CSMD1: variants seen among roughly 807,000 people sequenced by gnomAD.
The protein encoded by CSMD1 is CUB and Sushi multiple domains 1.
CSMD1 carries 213 observed loss-of-function variants against 417.5 expected under a neutral mutation model. The ratio of observed to expected loss-of-function variants is 0.51; its 90% CI spans 0.46 to 0.57. CSMD1 has a LOEUF of 0.57. CSMD1 is among the 20% of genes least tolerant of loss of function. The pLI is 0.00. For synonymous variants in CSMD1, 2,862 were observed against 1,736.8 expected (o/e 1.65, Z -16.11); for missense variants, 6,923 against 4,529.7 (o/e 1.53, Z -15.17).
chr8:3,934,223 A>G (rs765831419), intron 5 of CSMD1, among the ~76,000 whole-genome samples: 4 of 152,216 alleles, frequency 2.6e-5, no homozygotes, highest in African/African-American at 4.8e-5. Flanking sequence ...TACCTAATCA[A>G]TGATGAAAAC....
At chr8:3,461,343 G>A (rs956908504) in intron 12 of CSMD1, among the ~76,000 whole-genome samples, 9 of 152,224 alleles carry the variant, frequency 5.9e-5, no homozygotes, top group Admixed American at 5.9e-4. Flanking sequence ...AGCCAGCTTG[G>A]AGAGTATGCT....
chr8:3,986,403 T>G (rs1814323377), intron 5 of CSMD1, among the ~76,000 whole-genome samples: 1 of 152,110 alleles, frequency 6.6e-6, no homozygotes, highest in South Asian at 2.1e-4. Flanking sequence ...CCTGGACATT[T>G]CACTGTTGAA....
At chr8:4,673,094 A>C (rs559671161) in intron 1 of CSMD1, among the ~76,000 whole-genome samples, 3 of 152,212 alleles carry the variant, frequency 2.0e-5, no homozygotes, top group Non-Finnish European at 4.4e-5. Flanking sequence ...AACAACACAC[A>C]AGCATGGTGA....
At chr8:4,010,334 C>A (rs1431817157) in intron 4 of CSMD1, among the ~76,000 whole-genome samples, 1 of 152,174 alleles carries the variant, frequency 6.6e-6, no homozygotes. Context: ...CTACAAACCC[C>A]TACTTGAAAT....
At chr8:3,694,137 G>C (rs1238864621) in intron 7 of CSMD1, among the ~76,000 whole-genome samples, 5 of 151,978 alleles carry the variant, frequency 3.3e-5, no homozygotes, top group Non-Finnish European at 5.9e-5. Flanking sequence ...GTGGCGTGGT[G>C]TGTGTGTACA....
intron 7 of CSMD1, among the ~76,000 whole-genome samples, chr8:3,691,273 C>A (rs1037243002): frequency 6.6e-6 from 1 of 151,902 alleles, no homozygotes. Flanking sequence ...GAGGCTGAAG[C>A]AGGAGATCAC....
intron 2 of CSMD1, among the ~76,000 whole-genome samples, chr8:4,446,261 G>C (rs1585088734): frequency 6.6e-6 from 1 of 152,154 alleles, no homozygotes; most frequent in Admixed American, 6.5e-5. Context: ...TTGAAGAGTG[G>C]ACCCAGCTGG....
At chr8:4,204,161 T>C (rs532836324) in intron 3 of CSMD1, among the ~76,000 whole-genome samples, 24 of 152,270 alleles carry the variant, frequency 1.6e-4, no homozygotes, top group Admixed American at 4.6e-4. Flanking sequence ...CTGAAATTCA[T>C]TGACTGTGCC....
rs114762389 is a variant in CSMD1 at position 4,643,407 on chromosome 8, G to T, written c.86-5849C>A. Among the ~76,000 whole-genome samples, 4 of 152,054 alleles carry T rather than the reference G, an allele frequency of 2.6e-5. 1 individual carries two copies. The highest frequency in any genetic ancestry group is 5.9e-5 in the Non-Finnish European group (4 of 68,010). On this transcript the variant is annotated intron_variant, in intron 1 of 69. Coordinates refer to ENST00000635120, the MANE Select transcript of CSMD1 (RefSeq NM_033225.6). ...GACCTCCAAAGCATCTTTCATTTTT[G>T]ACATTTTTGTAGTCAATTTCTATTG...
At chr8:3,784,363 A>C (rs1043182755) in intron 5 of CSMD1, among the ~76,000 whole-genome samples, 1 of 152,190 alleles carries the variant, frequency 6.6e-6, no homozygotes, top group Non-Finnish European at 1.5e-5. Context: ...AAAATGGAGA[A>C]AACAATGAGA....
At chr8:3,818,228 A>G (rs1801507303) in intron 5 of CSMD1, among the ~76,000 whole-genome samples, 1 of 151,954 alleles carries the variant, frequency 6.6e-6, no homozygotes, top group Non-Finnish European at 1.5e-5. Flanking sequence ...GCCCACCCCA[A>G]GATGCAGCCC....
At chr8:4,334,395 G>T (rs1010397477) in intron 3 of CSMD1, among the ~76,000 whole-genome samples, 1 of 152,038 alleles carries the variant, frequency 6.6e-6, no homozygotes, top group Non-Finnish European at 1.5e-5. Context: ...TCAATCTGAG[G>T]GGAACTTTAA....
rs1030749874 is a variant in CSMD1 at position 3,929,003 on chromosome 8, C to A, written c.818+68900G>T. Among the ~76,000 whole-genome samples, 14 of 150,378 alleles carry A rather than the reference C, an allele frequency of 9.3e-5. 2 individuals carry two copies. Among genetic ancestry groups the A allele is most frequent in the African/African-American group, 2.0e-4 (8 of 40,718 alleles). The stretch of plus-strand genomic sequence containing the variant: ...GGTTGTCATTGTATAAGAAATCTTA[C>A]CGATTTTTGGTTTCCCTGTAACTCT... On this transcript the variant is annotated intron_variant, in intron 5 of 69. Coordinates refer to ENST00000635120, the MANE Select transcript of CSMD1 (RefSeq NM_033225.6).
intron 3 of CSMD1, among the ~76,000 whole-genome samples, chr8:4,305,217 G>A (rs996631696): frequency 6.6e-6 from 1 of 152,168 alleles, no homozygotes; most frequent in African/African-American, 2.4e-5. Context: ...AACAGAGAAG[G>A]ATGAAGTGCC....
chr8:3,035,914 A>G (rs968853971), intron 50 of CSMD1, among the ~76,000 whole-genome samples: 1 of 152,172 alleles, frequency 6.6e-6, no homozygotes, highest in South Asian at 2.1e-4. Flanking sequence ...ATTTTCTTCA[A>G]TTTTCACAAA....
intron 5 of CSMD1, among the ~76,000 whole-genome samples, chr8:3,982,185 A>G (rs1051860445): frequency 7.8e-6 from 1 of 128,764 alleles, no homozygotes; most frequent in African/African-American, 2.7e-5. Flanking sequence ...TAATAATAAT[A>G]ATAATATTAA....
chr8:4,493,326 A>G (rs1419412120), intron 2 of CSMD1, among the ~76,000 whole-genome samples: 3 of 152,136 alleles, frequency 2.0e-5, no homozygotes, highest in African/African-American at 7.2e-5. Context: ...GTGTGTGTGT[A>G]TGTTCACTCT....
chr8:4,802,800 T>C (rs1214956536), intron 1 of CSMD1, among the ~76,000 whole-genome samples: 2 of 152,170 alleles, frequency 1.3e-5, no homozygotes, highest in Non-Finnish European at 2.9e-5. Context: ...ATCCGTGACG[T>C]CATAGGGAAG....
At chr8:3,578,688 C>T (rs574546504) in intron 9 of CSMD1, among the ~76,000 whole-genome samples, 6 of 152,066 alleles carry the variant, frequency 3.9e-5, no homozygotes, top group Admixed American at 3.9e-4. Context: ...TGCAAAGAAC[C>T]GATTGGGCAG....
Sources: gnomAD v4.1 joint callset for allele counts (sites outside exome capture counted in the v4.1 genomes callset) on GRCh38, gnomAD v4.1.1 for gene constraint, MANE v1.5 for transcripts, NCBI Gene and HGNC (gene_info 2026-07-23, HGNC 2026-07-21) for gene names.